Variants in RUNDC3B observed in about 807,000 individuals in gnomAD.
RUNDC3B encodes RUN domain containing 3B, also known as RUN domain-containing protein 3B.
A neutral mutation model predicts 58.4 loss-of-function variants in RUNDC3B; 33 were observed. The ratio of observed to expected loss-of-function variants is 0.56; its 90% CI spans 0.43 to 0.75. The LOEUF (loss-of-function observed/expected upper bound fraction) is 0.75. Among genes scored for constraint, RUNDC3B ranks in the 30% least tolerant of loss-of-function variants. The pLI, the probability that RUNDC3B is intolerant of heterozygous loss-of-function variation, is 0.00. For missense variants in RUNDC3B, 501 were observed against 535.7 expected, an observed-to-expected ratio of 0.94 and a Z score of 0.64; for synonymous variants, 193 against 195.2, an observed-to-expected ratio of 0.99 and a Z score of 0.10.
intron 6 of RUNDC3B, among the ~76,000 whole-genome samples, chr7:87,744,298 C>T (rs921833141): frequency 1.3e-5 from 2 of 151,924 alleles, no homozygotes; most frequent in Non-Finnish European, 2.9e-5. Context: ...TATGTGGGTT[C>T]TTTTTTGGTT....
At chr7:87,820,139 A>G (rs1304587634) in intron 10 of RUNDC3B, among the ~76,000 whole-genome samples, 3 of 152,232 alleles carry the variant, frequency 2.0e-5, no homozygotes, top group Non-Finnish European at 4.4e-5. Flanking sequence ...TTAGACCGCT[A>G]GCAAGAATAA....
chr7:87,641,849 A>G (rs1194615807), intron 1 of RUNDC3B, among the ~76,000 whole-genome samples: 2 of 152,194 alleles, frequency 1.3e-5, no homozygotes, highest in East Asian at 1.9e-4. Flanking sequence ...TCCTCCAAAG[A>G]TTCATATTTA....
At chr7:87,693,792 T>C in intron 2 of RUNDC3B, 1 of 897,260 alleles carries the variant, frequency 1.1e-6, no homozygotes, top group Non-Finnish European at 1.7e-6. Flanking sequence ...AAGTAGTGTT[T>C]ACTGCTTCAA....
At chr7:87,760,454 T>C (rs1244165956) in intron 6 of RUNDC3B, among the ~76,000 whole-genome samples, 1 of 152,134 alleles carries the variant, frequency 6.6e-6, no homozygotes, top group Non-Finnish European at 1.5e-5. Context: ...TCCAACATTC[T>C]TTTTTGTTTG....
At chr7:87,729,221 C>T (rs1055614266) in intron 4 of RUNDC3B, among the ~76,000 whole-genome samples, 1 of 151,964 alleles carries the variant, frequency 6.6e-6, no homozygotes, top group Non-Finnish European at 1.5e-5. Context: ...TATAGGAACA[C>T]CAAATTGAAG....
chr7:87,630,925 C>T lies in RUNDC3B; in HGVS notation c.122+1980C>T, dbSNP rs572648680. On this transcript the variant is annotated intron_variant, in intron 1 of 10. Coordinates refer to ENST00000394654, the MANE Select transcript of RUNDC3B (RefSeq NM_001134405.2). The stretch of plus-strand genomic sequence containing the variant: ...AATTATCTTTAAGAAATTTTAGGAA[C>T]GTCACACTGATTTCTGGGGACAGCT... 5.9e-5 allele frequency among the ~76,000 whole-genome samples: 9 copies of T among 152,104 alleles called. No homozygotes were observed. The South Asian group carries it at 1.5e-3, about 25-fold the overall frequency.
At chr7:87,783,623 T>G (rs1166393239) in intron 8 of RUNDC3B, among the ~76,000 whole-genome samples, 1 of 152,220 alleles carries the variant, frequency 6.6e-6, no homozygotes, top group Non-Finnish European at 1.5e-5. Flanking sequence ...AGTGTGTTTT[T>G]GTGGTAGTAC....
At chr7:87,754,393 G>C (rs1178537308) in intron 6 of RUNDC3B, among the ~76,000 whole-genome samples, 2 of 152,152 alleles carry the variant, frequency 1.3e-5, no homozygotes, top group Non-Finnish European at 1.5e-5. Context: ...TGAAACCAAT[G>C]AGAACAAAGA....
Position 87,712,006 on chromosome 7 carries a change from G to A in RUNDC3B, c.458+1351G>A, listed in dbSNP as rs148632184. 5.6e-3 allele frequency among the ~76,000 whole-genome samples: 855 copies of A among 152,228 alleles called. 5 individuals carry two copies. The highest frequency in any genetic ancestry group is 9.2e-3 in the Non-Finnish European group (626 of 68,000). ...CAGGGTTTGACATTCTGGATTTTGAGAAAATCTGGGCATTTATTATGACAC... is the reference window on the plus strand; with the variant it reads ...CAGGGTTTGACATTCTGGATTTTGAAAAAATCTGGGCATTTATTATGACAC... On this transcript the variant is annotated intron_variant, in intron 4 of 10. Transcript: ENST00000394654.
Position 87,628,553 on chromosome 7 carries a change from G to A in RUNDC3B, c.-271G>A, listed in dbSNP as rs1009008796. 1 of 314,530 alleles carries A rather than the reference G, an allele frequency of 3.2e-6. No individual in the cohort carries two copies. Among genetic ancestry groups the A allele is most frequent in the East Asian group, 4.9e-5 (1 of 20,238 alleles). 19.5% of individuals were successfully genotyped at this position (314,530 alleles called of 1,614,324 possible). A position where few individuals can be genotyped will look rare whatever the true frequency, so the allele number is the denominator to read the frequency against. On this transcript the variant is annotated 5_prime_UTR_variant, in exon 1 of 11. Coordinates refer to ENST00000394654, the MANE Select transcript of RUNDC3B (RefSeq NM_001134405.2). ...CGCAGGCGCAGCCCGGCAGTCGGCG[G>A]CGCGCCGAGGGCGGAGGTGGTGCGT...
chr7:87,685,313 A>G (rs1447812588), intron 2 of RUNDC3B, among the ~76,000 whole-genome samples: 1 of 152,236 alleles, frequency 6.6e-6, no homozygotes, highest in Non-Finnish European at 1.5e-5. Flanking sequence ...AGATACACAT[A>G]TGGCAAGTAA....
At chr7:87,810,560 G>A (rs1836660735) in intron 9 of RUNDC3B, among the ~76,000 whole-genome samples, 2 of 152,138 alleles carry the variant, frequency 1.3e-5, no homozygotes, top group Non-Finnish European at 2.9e-5. Flanking sequence ...TAACAACAGT[G>A]TGTTGTTTGA....
intron 8 of RUNDC3B, among the ~76,000 whole-genome samples, chr7:87,795,351 C>T (rs906935816): frequency 6.6e-6 from 1 of 152,088 alleles, no homozygotes; most frequent in Admixed American, 6.5e-5. Flanking sequence ...AGAAGACAAA[C>T]AAATGGCAAA....
intron 10 of RUNDC3B, among the ~76,000 whole-genome samples, chr7:87,822,236 C>A (rs1399215143): frequency 3.3e-5 from 5 of 152,286 alleles, no homozygotes; most frequent in African/African-American, 1.2e-4. Context: ...AGGACATGAA[C>A]AGACACTTCT....
intron 2 of RUNDC3B, among the ~76,000 whole-genome samples, chr7:87,653,157 A>G (rs1466206891): frequency 6.6e-6 from 1 of 152,130 alleles, no homozygotes; most frequent in East Asian, 1.9e-4. Flanking sequence ...CCTAGGATAT[A>G]GCTGAGAAAT....
In RUNDC3B at chr7:87,830,036, T is replaced by G; in HGVS notation, c.*6T>G. ...CAGGCCTAACTCCATCCTGAAAATT[T>G]TTGTGTAAAAGCCAAAACTTTTTAT... On this transcript the variant is annotated 3_prime_UTR_variant, in exon 11 of 11. Coordinates refer to ENST00000394654, the MANE Select transcript of RUNDC3B (RefSeq NM_001134405.2). 1 of 1,562,360 alleles carries G rather than the reference T, an allele frequency of 6.4e-7. No homozygotes were observed. The highest frequency in any genetic ancestry group is 8.6e-7 in the Non-Finnish European group (1 of 1,158,916).
At chr7:87,683,306 G>A (rs1036594784) in intron 2 of RUNDC3B, among the ~76,000 whole-genome samples, 4 of 152,090 alleles carry the variant, frequency 2.6e-5, no homozygotes, top group African/African-American at 7.2e-5. Flanking sequence ...GTGTTCACTG[G>A]AATAGTACTT....
At chr7:87,752,854 GT>G (rs1210222726) in intron 6 of RUNDC3B, among the ~76,000 whole-genome samples, 1 of 151,892 alleles carries the variant, frequency 6.6e-6, no homozygotes, top group African/African-American at 2.4e-5. Flanking sequence ...TTTTTGAAGA[GT>G]TTTTTGTGTC....
intron 4 of RUNDC3B, among the ~76,000 whole-genome samples, chr7:87,712,255 G>A (rs190263502): frequency 6.6e-6 from 1 of 152,030 alleles, no homozygotes; most frequent in Admixed American, 6.6e-5. Context: ...CATGACACTC[G>A]AGATATTTCT....
Sources: gnomAD v4.1 joint callset for allele counts (sites outside exome capture counted in the v4.1 genomes callset) on GRCh38, gnomAD v4.1.1 for gene constraint, MANE v1.5 for transcripts, NCBI Gene and HGNC (gene_info 2026-07-23, HGNC 2026-07-21) for gene names.